The following TNKS variants were observed in gnomAD, a reference collection of about 807,000 sequenced individuals.
TNKS encodes the protein tankyrase.
In TNKS, 72 loss-of-function variants were observed where a neutral mutation model predicts 135.8. That is an observed-to-expected ratio of 0.53 (90% CI 0.44 to 0.64). The LOEUF (loss-of-function observed/expected upper bound fraction) is 0.64. TNKS is among the 30% of genes least tolerant of loss of function. The pLI is 0.00. For synonymous variants in TNKS, 849 were observed against 649.3 expected, an observed-to-expected ratio of 1.31 and a Z score of -4.68; for missense variants, 1,769 against 1,674.0, an observed-to-expected ratio of 1.06 and a Z score of -0.99.
intron 3 of TNKS, among the ~76,000 whole-genome samples, chr8:9,662,710 C>T (rs1475437791): frequency 6.6e-6 from 1 of 152,010 alleles, no homozygotes; most frequent in Non-Finnish European, 1.5e-5. Context: ...CAAACCTGCA[C>T]GTTGTGCACA....
In TNKS at chr8:9,776,850, C is replaced by T. The variant is rs1808248067; in HGVS notation, c.*114C>T. 1.0e-6 allele frequency: 1 copy of T among 992,662 alleles called. No homozygotes were observed. The highest frequency in any genetic ancestry group is 1.5e-5 in the South Asian group (1 of 67,984). 61.5% of individuals were successfully genotyped at this position (992,662 alleles called of 1,614,324 possible). A position where few individuals can be genotyped will look rare whatever the true frequency, so the allele number is the denominator to read the frequency against. Reference sequence around the variant, plus strand: ...AAGTCCCTGACAGCCTAGAAATAAGCTGTTTGTCTTCTATAAAGCATTGCT... The same window carrying T: ...AAGTCCCTGACAGCCTAGAAATAAGTTGTTTGTCTTCTATAAAGCATTGCT... On this transcript the variant is annotated 3_prime_UTR_variant, in exon 27 of 27. Coordinates refer to ENST00000310430, the MANE Select transcript of TNKS (RefSeq NM_003747.3).
intron 3 of TNKS, among the ~76,000 whole-genome samples, chr8:9,665,582 G>T (rs931598843): frequency 6.6e-6 from 1 of 152,110 alleles, no homozygotes; most frequent in Non-Finnish European, 1.5e-5. Flanking sequence ...TCCATAAAAG[G>T]GATTAGTAGT....
At chr8:9,634,817 G>T (rs1800444897) in intron 3 of TNKS, among the ~76,000 whole-genome samples, 1 of 151,978 alleles carries the variant, frequency 6.6e-6, no homozygotes, top group Non-Finnish European at 1.5e-5. Flanking sequence ...AAAAAAAAAT[G>T]ACTGATTTCA....
chr8:9,594,485 A>G (rs7009863), intron 2 of TNKS, among the ~76,000 whole-genome samples: 13,587 of 152,242 alleles, frequency 0.089, 667 homozygotes, highest in South Asian at 0.17. Context: ...GAGTGTAGAC[A>G]TAGAAATTTT....
Position 9,767,958 on chromosome 8 carries a change from CA to C in TNKS, c.3740+1551del, listed in dbSNP as rs1030767438. On this transcript the variant is annotated intron_variant, in intron 25 of 26. Coordinates refer to ENST00000310430, the MANE Select transcript of TNKS (RefSeq NM_003747.3). ...TGGGCGACAGAGAGAGACTCCGTCTCAAAAAAAAAAAAAAAAAAGAATACAG... is the reference window on the plus strand; with the variant it reads ...TGGGCGACAGAGAGAGACTCCGTCTCAAAAAAAAAAAAAAAAAGAATACAG... Among the ~76,000 whole-genome samples, 603 of 68,064 alleles carry C rather than the reference CA, an allele frequency of 8.9e-3. 3 individuals carry two copies. The highest frequency in any genetic ancestry group is 0.026 in the African/African-American group (488 of 18,566). 44.7% of individuals were successfully genotyped at this position (68,064 alleles called of 152,430 possible). A position where few individuals can be genotyped will look rare whatever the true frequency, so the allele number is the denominator to read the frequency against.
At position 9,565,131 on chromosome 8, in the gene TNKS, C is replaced by T. The variant is rs147067370; in HGVS notation, c.673+8519C>T. Among the ~76,000 whole-genome samples, 417 of 152,220 alleles carry T rather than the reference C, an allele frequency of 2.7e-3. 4 individuals carry two copies. Among genetic ancestry groups the T allele is most frequent in the African/African-American group, 9.3e-3 (388 of 41,538 alleles). On this transcript the variant is annotated intron_variant, in intron 1 of 26. Transcript: ENST00000310430. The stretch of plus-strand genomic sequence containing the variant: ...ATGTCTAAGTTTGCTTTCACCAGAG[C>T]GAGTTACTGAGTTCTCTTCTCGAAT...
intron 3 of TNKS, among the ~76,000 whole-genome samples, chr8:9,675,621 C>T (rs1265593231): frequency 6.6e-6 from 1 of 152,062 alleles, no homozygotes; most frequent in Non-Finnish European, 1.5e-5. Flanking sequence ...ACATTTTTTG[C>T]TTGTTATATT....
At position 9,610,148 on chromosome 8, in the gene TNKS, C is replaced by T. The variant is rs908332360; in HGVS notation, c.899-5434C>T. 6.7e-5 allele frequency among the ~76,000 whole-genome samples: 10 copies of T among 149,944 alleles called. No individual in the cohort carries two copies. The East Asian group carries it at 7.9e-4, about 12-fold the overall frequency. ...CTGAGATTACAGACATGAGCTACTG[C>T]GCCCGGCCTTGAATTTTCATAGTTA... is the stretch of plus-strand genomic sequence containing the variant. On this transcript the variant is annotated intron_variant, in intron 2 of 26. Transcript: ENST00000310430.
In TNKS at chr8:9,724,378, A is replaced by G. The variant is rs537769040; in HGVS notation, c.1922-2263A>G. On this transcript the variant is annotated intron_variant, in intron 12 of 26. Transcript: ENST00000310430. ...TAAGACAAGAGGATCACTTGAGCCC[A>G]GGATTTCAAGACCAGCCAGGGCAAC... Among the ~76,000 whole-genome samples the G allele has an allele frequency of 2.6e-5, 4 of 152,318 alleles. No individual in the cohort carries two copies. In the East Asian group the frequency reaches 7.7e-4, roughly 29 times the overall value.
At chr8:9,588,385 T>C (rs994619761) in intron 2 of TNKS, among the ~76,000 whole-genome samples, 5 of 152,012 alleles carry the variant, frequency 3.3e-5, no homozygotes, top group African/African-American at 1.2e-4. Flanking sequence ...CGCCATGCTC[T>C]TGCCTCAGCC....
At chr8:9,639,684 A>C (rs1046093997) in intron 3 of TNKS, among the ~76,000 whole-genome samples, 1 of 152,100 alleles carries the variant, frequency 6.6e-6, no homozygotes, top group African/African-American at 2.4e-5. Flanking sequence ...AATTTTAACT[A>C]CTGAGGCTAT....
chr8:9,713,323 C>T (rs1456565691), intron 11 of TNKS, among the ~76,000 whole-genome samples: 1 of 152,164 alleles, frequency 6.6e-6, no homozygotes. Context: ...TATCTAATGA[C>T]ATTTATAATG....
At chr8:9,677,129 A>T (rs1802575046) in intron 3 of TNKS, among the ~76,000 whole-genome samples, 1 of 152,160 alleles carries the variant, frequency 6.6e-6, no homozygotes, top group African/African-American at 2.4e-5. Flanking sequence ...CGTTTGAAAA[A>T]TCGCTTCAGC....
chr8:9,756,744 A>C (rs1008003816), intron 20 of TNKS, among the ~76,000 whole-genome samples: 2 of 152,082 alleles, frequency 1.3e-5, no homozygotes, highest in African/African-American at 2.4e-5. Context: ...CATTCCTTTT[A>C]TTTTAACCAT....
intron 3 of TNKS, 29 bp from the exon 4 acceptor site, chr8:9,679,922 T>C (rs1376472443): frequency 6.3e-7 from 1 of 1,598,408 alleles, no homozygotes; most frequent in Non-Finnish European, 8.6e-7. Flanking sequence ...TGCCAAATGC[T>C]AACAGCATGA....
chr8:9,582,064 A>G (rs1376327475), intron 2 of TNKS, among the ~76,000 whole-genome samples: 1 of 152,180 alleles, frequency 6.6e-6, no homozygotes, highest in Non-Finnish European at 1.5e-5. Context: ...CAAAATATAA[A>G]TGAGGATATA....
intron 1 of TNKS, among the ~76,000 whole-genome samples, chr8:9,573,437 G>T (rs1241672198): frequency 6.6e-6 from 1 of 152,206 alleles, no homozygotes; most frequent in Non-Finnish European, 1.5e-5. Flanking sequence ...GCCTTTAGCT[G>T]AGTCTTTGTG....
chr8:9,556,485 C>G lies in TNKS; in HGVS notation c.546C>G (p.Ala182=), dbSNP rs1308040671. Residue 182 remains alanine, a synonymous_variant, in exon 1 of 27, where the codon GCC becomes GCG. Coordinates refer to ENST00000310430, the MANE Select transcript of TNKS (RefSeq NM_003747.3). ...PGTGVPAVSG[A]LRELLEACRN... is the part of the protein sequence containing the mutation. ...CAGGGGTCCCAGCAGTGAGCGGGGCCCTACGGGAACTGCTGGAGGCCTGTC... is the reference window on the plus strand; with the variant it reads ...CAGGGGTCCCAGCAGTGAGCGGGGCGCTACGGGAACTGCTGGAGGCCTGTC... The G allele has an allele frequency of 9.3e-6, 15 of 1,614,108 alleles. No homozygotes were observed. Among genetic ancestry groups the G allele is most frequent in the Non-Finnish European group, 1.3e-5 (15 of 1,180,030 alleles).
At chr8:9,562,039 A>T (rs967026691) in intron 1 of TNKS, among the ~76,000 whole-genome samples, 1 of 151,724 alleles carries the variant, frequency 6.6e-6, no homozygotes, top group Non-Finnish European at 1.5e-5. Flanking sequence ...CTGGTCACGA[A>T]CTCCTGACCT....
Sources: allele counts gnomAD v4.1 joint callset (sites outside exome capture counted in the v4.1 genomes callset), GRCh38; gene constraint gnomAD v4.1.1; transcripts MANE v1.5; gene names NCBI Gene and HGNC (gene_info 2026-07-23, HGNC 2026-07-21).